KIRREL3: variants seen among roughly 807,000 people sequenced by gnomAD.
KIRREL3 encodes kirre like nephrin family adhesion molecule 3.
Under a neutral mutation model 89.7 loss-of-function variants are expected in KIRREL3, and 36 were observed. The ratio of observed to expected loss-of-function variants is 0.40; its 90% CI spans 0.31 to 0.53. KIRREL3 has a LOEUF of 0.53. KIRREL3 is among the 20% of genes least tolerant of loss of function. The probability of loss-of-function intolerance (pLI) is 0.49; values close to 1 mark genes in which losing one functional copy is unlikely to be tolerated. For synonymous variants in KIRREL3, 445 were observed against 441.4 expected, an observed-to-expected ratio of 1.01 and a Z score of -0.10; for missense variants, 864 against 1,056.6, an observed-to-expected ratio of 0.82 and a Z score of 2.53.
At position 126,847,227 on chromosome 11, in the gene KIRREL3, G is replaced by T. The variant is rs185852576; in HGVS notation, c.55+153228C>A. ...ATTTGGCTTTCTTTGGGCTGTATTT[G>T]TATAAATATCTTACTGGTATGTGTT... On this transcript the variant is annotated intron_variant, in intron 1 of 16. Coordinates refer to ENST00000525144, the MANE Select transcript of KIRREL3 (RefSeq NM_032531.4). Among the ~76,000 whole-genome samples, 223 of 152,208 alleles carry T rather than the reference G, an allele frequency of 1.5e-3. 1 individual carries two copies. Among genetic ancestry groups the T allele is most frequent in the African/African-American group, 5.1e-3 (210 of 41,546 alleles).
chr11:126,572,387 G>A (rs1940997759), intron 1 of KIRREL3, among the ~76,000 whole-genome samples: 1 of 152,236 alleles, frequency 6.6e-6, no homozygotes, highest in Non-Finnish European at 1.5e-5. Flanking sequence ...TGCTGTACAG[G>A]TGAGGCTCAG....
chr11:126,960,728 CA>C (rs554627826), intron 1 of KIRREL3, among the ~76,000 whole-genome samples: 67 of 152,262 alleles, frequency 4.4e-4, no homozygotes, highest in Non-Finnish European at 7.8e-4. Context: ...AACTATTTAT[CA>C]ATGTATTTTT....
intron 1 of KIRREL3, among the ~76,000 whole-genome samples, chr11:126,875,109 A>G (rs555733058): frequency 3.3e-5 from 5 of 152,198 alleles, no homozygotes; most frequent in Non-Finnish European, 5.9e-5. Context: ...TGGCAAGTGT[A>G]TATCAATCAA....
At chr11:126,660,014 A>T (rs1195552160) in intron 1 of KIRREL3, among the ~76,000 whole-genome samples, 1 of 152,182 alleles carries the variant, frequency 6.6e-6, no homozygotes, top group Non-Finnish European at 1.5e-5. Context: ...CATGATAAAA[A>T]TTTGGGGTTG....
At position 126,999,536 on chromosome 11, in the gene KIRREL3, C is replaced by T. The variant is rs1327971137; in HGVS notation, c.55+919G>A. 6.6e-6 allele frequency among the ~76,000 whole-genome samples: 1 copy of T among 152,236 alleles called. No individual in the cohort carries two copies. The highest frequency in any genetic ancestry group is 1.5e-5 in the Non-Finnish European group (1 of 68,044). On this transcript the variant is annotated intron_variant, in intron 1 of 16. Transcript: ENST00000525144. This position sits in a 1 kb window ranked among gnomAD's most constrained non-coding sequence, Gnocchi z 5.7. ...AGAGCTGTGTTGGCTGGCACAAATG[C>T]AGCCTCAGATGGCAGAGGTGCATTG...
At chr11:126,482,667 C>T (rs952042506) in intron 4 of KIRREL3, among the ~76,000 whole-genome samples, 1 of 152,154 alleles carries the variant, frequency 6.6e-6, no homozygotes, top group Non-Finnish European at 1.5e-5. Context: ...CAGATTGCCC[C>T]CTTGGTAAAG....
Position 126,431,029 on chromosome 11 carries a change from G to C in KIRREL3, c.1696+390C>G. 8.3e-7 allele frequency: 1 copy of C among 1,199,650 alleles called. No individual in the cohort carries two copies. Among genetic ancestry groups the C allele is most frequent in the Non-Finnish European group, 1.0e-6 (1 of 966,068 alleles). The allele number at this position is 1,199,650 out of a possible 1,614,324, so 74.3% of individuals were successfully genotyped here. On this transcript the variant is annotated intron_variant, in intron 14 of 16. Transcript: ENST00000525144. The surrounding 1 kb of genome is among the most constrained non-coding windows in gnomAD (Gnocchi z 7.1). ...ACCTGCTTTTCTGGTGAGACTAGCA[G>C]CTCTTTATTTTTATTTTGTTGTAGA...
At chr11:126,638,260 T>C (rs1479812905) in intron 1 of KIRREL3, among the ~76,000 whole-genome samples, 1 of 152,218 alleles carries the variant, frequency 6.6e-6, no homozygotes, top group East Asian at 1.9e-4. Context: ...GCCAGAGAGA[T>C]AGGAATAGAA....
chr11:126,648,598 G>C (rs1944786123), intron 1 of KIRREL3, among the ~76,000 whole-genome samples: 1 of 152,144 alleles, frequency 6.6e-6, no homozygotes, highest in Non-Finnish European at 1.5e-5. Flanking sequence ...TCCTCCACTA[G>C]AATGTCAGCC....
chr11:126,472,647 C>T (rs759805457), intron 5 of KIRREL3, among the ~76,000 whole-genome samples: 2 of 149,948 alleles, frequency 1.3e-5, no homozygotes, highest in East Asian at 2.0e-4. Context: ...TGAGTCTCCT[C>T]GTCTGACCAT....
chr11:126,958,592 T>G (rs778889489), intron 1 of KIRREL3, among the ~76,000 whole-genome samples: 2 of 152,242 alleles, frequency 1.3e-5, no homozygotes, highest in African/African-American at 4.8e-5. Flanking sequence ...TTTGATGGTA[T>G]GAAGTGGTCT....
Position 126,519,617 on chromosome 11 carries a change from T to G in KIRREL3, c.433+1698A>C, listed in dbSNP as rs529658218. On this transcript the variant is annotated intron_variant, in intron 4 of 16. Coordinates refer to ENST00000525144, the MANE Select transcript of KIRREL3 (RefSeq NM_032531.4). This position sits in a 1 kb window ranked among gnomAD's most constrained non-coding sequence, Gnocchi z 4.3. ...GGAGTGGACAATGCTCAGGTTCCTGTGGTTCCAGCATCCTCTGGCCCCTCT... is the reference window on the plus strand; with the variant it reads ...GGAGTGGACAATGCTCAGGTTCCTGGGGTTCCAGCATCCTCTGGCCCCTCT... 3.3e-5 allele frequency among the ~76,000 whole-genome samples: 5 copies of G among 152,282 alleles called. No homozygotes were observed. In the South Asian group the frequency reaches 8.3e-4, roughly 25 times the overall value.
intron 1 of KIRREL3, among the ~76,000 whole-genome samples, chr11:126,846,322 T>C (rs1221147494): frequency 6.6e-6 from 1 of 152,220 alleles, no homozygotes; most frequent in East Asian, 1.9e-4. Context: ...AACTACTGGA[T>C]CTTCTTCCAT....
At chr11:126,873,414 C>G (rs1565372448) in intron 1 of KIRREL3, among the ~76,000 whole-genome samples, 1 of 152,090 alleles carries the variant, frequency 6.6e-6, no homozygotes, top group African/African-American at 2.4e-5. Context: ...ATCAAGCAAA[C>G]AGATTGGGGA....
Position 126,747,887 on chromosome 11 carries a change from T to C in KIRREL3, c.56-184975A>G, listed in dbSNP as rs1484594988. Among the ~76,000 whole-genome samples, 1 of 151,932 alleles carries C rather than the reference T, an allele frequency of 6.6e-6. No individual in the cohort carries two copies. Among genetic ancestry groups the C allele is most frequent in the Non-Finnish European group, 1.5e-5 (1 of 67,982 alleles). ...AGCAACCTCAGGTCAACTGGAAGAC[T>C]CCCCTCCAGACAGGCGTTGCGGTCT... On this transcript the variant is annotated intron_variant, in intron 1 of 16. Transcript: ENST00000525144. This position sits in a 1 kb window ranked among gnomAD's most constrained non-coding sequence, Gnocchi z 4.7.
In KIRREL3 at chr11:126,860,324, G is replaced by A. The variant is rs371434238; in HGVS notation, c.55+140131C>T. Among the ~76,000 whole-genome samples the A allele has an allele frequency of 3.3e-5, 5 of 152,188 alleles. No individual in the cohort carries two copies. The highest frequency in any genetic ancestry group is 1.9e-4 in the East Asian group (1 of 5,204). Reference sequence around the variant, plus strand: ...CAATCTGATTAAATTTAATAAAGGCGTGGGCAATGGGTCTGGGAGCACAGA... The same window carrying A: ...CAATCTGATTAAATTTAATAAAGGCATGGGCAATGGGTCTGGGAGCACAGA... On this transcript the variant is annotated intron_variant, in intron 1 of 16. Transcript: ENST00000525144. This position sits in a 1 kb window ranked among gnomAD's most constrained non-coding sequence, Gnocchi z 4.6.
chr11:126,820,676 G>C (rs779952035), intron 1 of KIRREL3, among the ~76,000 whole-genome samples: 8 of 152,078 alleles, frequency 5.3e-5, no homozygotes, highest in Non-Finnish European at 8.8e-5. Flanking sequence ...GGGAGATGTG[G>C]TGGGAGATAG....
At position 126,643,278 on chromosome 11, in the gene KIRREL3, A is replaced by G. The variant is rs1008906159; in HGVS notation, c.56-80366T>C. 2.0e-5 allele frequency among the ~76,000 whole-genome samples: 3 copies of G among 152,270 alleles called. No homozygotes were observed. The highest frequency in any genetic ancestry group is 2.9e-5 in the Non-Finnish European group (2 of 68,042). On this transcript the variant is annotated intron_variant, in intron 1 of 16. Coordinates refer to ENST00000525144, the MANE Select transcript of KIRREL3 (RefSeq NM_032531.4). This position sits in a 1 kb window ranked among gnomAD's most constrained non-coding sequence, Gnocchi z 4.5. ...GTTCTTGGTACATAGCAGATGCTCA[A>G]TAAATTAATATTTATTAAACTAATG...
At chr11:126,439,649 T>G (rs969383903) in intron 11 of KIRREL3, among the ~76,000 whole-genome samples, 49 of 151,204 alleles carry the variant, frequency 3.2e-4, no homozygotes, top group African/African-American at 1.1e-3. Context: ...AGACCCCATC[T>G]CTACTGAAAA....
Sources: allele counts gnomAD v4.1 joint callset (sites outside exome capture counted in the v4.1 genomes callset), GRCh38; gene constraint gnomAD v4.1.1; non-coding constraint Gnocchi (gnomAD v3.1); transcripts MANE v1.5; gene names NCBI Gene and HGNC (gene_info 2026-07-23, HGNC 2026-07-21).